The following DNAH14 variants were observed in gnomAD, a reference collection of about 807,000 sequenced individuals.
DNAH14 encodes the protein dynein axonemal heavy chain 14.
DNAH14 carries 478 observed loss-of-function variants against 520.9 expected under a neutral mutation model. The ratio of observed to expected loss-of-function variants is 0.92; its 90% CI spans 0.85 to 0.99. The LOEUF (loss-of-function observed/expected upper bound fraction) is 0.99, where lower values mean the gene tolerates loss of function less well. DNAH14 is among the 50% of genes least tolerant of loss of function. The pLI is 0.00. For missense variants in DNAH14, 4,831 were observed against 5,234.5 expected, an observed-to-expected ratio of 0.92 and a Z score of 2.38; for synonymous variants, 1,581 against 1,757.2, an observed-to-expected ratio of 0.90 and a Z score of 2.51.
At chr1:225,313,795 G>A (rs918724754) in intron 60 of DNAH14, among the ~76,000 whole-genome samples, 1 of 152,150 alleles carries the variant, frequency 6.6e-6, no homozygotes, top group African/African-American at 2.4e-5. Context: ...ATGGCACTGT[G>A]GTCTGAGAGA....
intron 3 of DNAH14, among the ~76,000 whole-genome samples, chr1:224,958,778 T>G (rs929664178): frequency 4.6e-5 from 7 of 152,076 alleles, no homozygotes; most frequent in Non-Finnish European, 5.9e-5. Flanking sequence ...TCATGAACAC[T>G]GAAGTCATCC....
At chr1:225,392,473 TA>T in intron 84 of DNAH14, 22 bp downstream of exon 84, 1 of 1,550,490 alleles carries the variant, frequency 6.4e-7, no homozygotes, top group Admixed American at 2.0e-5. Context: ...CTTCAAGGAT[TA>T]GAAACGGTGA....
chr1:225,362,293 G>A (rs549650827), intron 75 of DNAH14, among the ~76,000 whole-genome samples: 2 of 152,064 alleles, frequency 1.3e-5, no homozygotes, highest in East Asian at 3.9e-4. Flanking sequence ...CGTACTTCCG[G>A]GCCGGGCGCG....
intron 17 of DNAH14, among the ~76,000 whole-genome samples, chr1:225,066,965 A>G (rs538075081): frequency 6.6e-5 from 10 of 152,170 alleles, no homozygotes; most frequent in African/African-American, 2.4e-4. Flanking sequence ...ACGTGTGTAC[A>G]TGTGTCTTTT....
intron 64 of DNAH14, among the ~76,000 whole-genome samples, chr1:225,327,127 T>C (rs2094689282): frequency 6.6e-6 from 1 of 151,668 alleles, no homozygotes; most frequent in Admixed American, 6.6e-5. Context: ...GCATCTTGTC[T>C]GGCAATAATA....
Position 225,121,291 on chromosome 1 carries a change from G to A in DNAH14, c.4166+1997G>A, listed in dbSNP as rs76242718. ...TTTCAAGTTTACTTTTAGCTATTGC[G>A]AAACATACATTATTATTAACTATAG... On this transcript the variant is annotated intron_variant, in intron 26 of 85. Coordinates refer to ENST00000682510, the MANE Select transcript of DNAH14 (RefSeq NM_001367479.1). Among the ~76,000 whole-genome samples, 1,298 of 152,064 alleles carry A rather than the reference G, an allele frequency of 8.5e-3. 24 individuals are homozygous for A. Among genetic ancestry groups the A allele is most frequent in the African/African-American group, 0.03 (1,224 of 41,484 alleles).
At chr1:225,376,193 G>A (rs978900174) in intron 78 of DNAH14, among the ~76,000 whole-genome samples, 13 of 152,038 alleles carry the variant, frequency 8.6e-5, no homozygotes, top group African/African-American at 2.9e-4. Context: ...TTGGGAGGCC[G>A]AGGAGAGTAG....
intron 64 of DNAH14, among the ~76,000 whole-genome samples, chr1:225,328,362 A>G (rs1196879592): frequency 1.3e-5 from 2 of 152,206 alleles, no homozygotes; most frequent in East Asian, 1.9e-4. Flanking sequence ...CAAGCTGTAC[A>G]TTCCAGCCAG....
At chr1:225,002,958 A>G (rs1173049867) in intron 9 of DNAH14, 31 bp downstream of exon 9, 2 of 1,470,572 alleles carry the variant, frequency 1.4e-6, no homozygotes, top group East Asian at 5.0e-5. Flanking sequence ...ATAAGCTAAT[A>G]TTGGTATATA....
intron 60 of DNAH14, among the ~76,000 whole-genome samples, 197 bp from the exon 61 acceptor site, chr1:225,318,386 A>G (rs762012880): frequency 1.3e-5 from 2 of 152,228 alleles, no homozygotes; most frequent in Non-Finnish European, 2.9e-5. Flanking sequence ...CAAGGATTGA[A>G]TCATACACAT....
intron 10 of DNAH14, among the ~76,000 whole-genome samples, chr1:225,013,402 A>G (rs948465757): frequency 4.6e-5 from 7 of 151,856 alleles, no homozygotes; most frequent in Non-Finnish European, 8.8e-5. Context: ...GTGTCTGTCG[A>G]CCTCTACTGG....
chr1:225,084,516 T>C (rs73133554), intron 20 of DNAH14, among the ~76,000 whole-genome samples: 5,424 of 152,178 alleles, frequency 0.036, 307 homozygotes, highest in African/African-American at 0.12. Flanking sequence ...ACAACTATTT[T>C]GTCCAAGATG....
chr1:225,353,858 GAA>G lies in DNAH14; in HGVS notation c.11591_11592del (p.Lys3864ThrfsTer14). On this transcript the variant is annotated frameshift_variant, in exon 73 of 86. Coordinates refer to ENST00000682510, the MANE Select transcript of DNAH14 (RefSeq NM_001367479.1). LOFTEE classifies it high-confidence loss of function. Reference sequence around the variant, plus strand: ...GTAATCCTATAAATTTTCCCTGGGAGAAACTCACTTCATTTCAAAGACTTATT... The same window carrying G: ...GTAATCCTATAAATTTTCCCTGGGAGACTCACTTCATTTCAAAGACTTATT... ...TCNPINFPWE[K>X]LTSFQRLILV... 1 of 1,514,330 alleles carries G rather than the reference GAA, an allele frequency of 6.6e-7. No individual in the cohort carries two copies. Among genetic ancestry groups the G allele is most frequent in the Non-Finnish European group, 8.9e-7 (1 of 1,118,574 alleles). The allele number at this position is 1,514,330 out of a possible 1,614,324, so 93.8% of individuals were successfully genotyped here. A position where few individuals can be genotyped will look rare whatever the true frequency, so the allele number is the denominator to read the frequency against.
intron 37 of DNAH14, among the ~76,000 whole-genome samples, chr1:225,186,883 C>T (rs77316825): frequency 0.017 from 2,560 of 151,858 alleles, 61 homozygotes; most frequent in East Asian, 0.053. Flanking sequence ...TTGTAATAAA[C>T]ATACTTAGGA....
At chr1:225,372,198 T>C (rs1429285603) in intron 77 of DNAH14, among the ~76,000 whole-genome samples, 1 of 152,144 alleles carries the variant, frequency 6.6e-6, no homozygotes, top group Non-Finnish European at 1.5e-5. Flanking sequence ...TATAATGCAG[T>C]TCCAATTAAA....
At chr1:224,931,269 G>C (rs1005629353) in intron 1 of DNAH14, among the ~76,000 whole-genome samples, 1 of 152,140 alleles carries the variant, frequency 6.6e-6, no homozygotes, top group Non-Finnish European at 1.5e-5. Flanking sequence ...TTTAAGCTCA[G>C]TGTTATTACA....
chr1:225,164,513 G>T (rs2081854431), intron 35 of DNAH14, among the ~76,000 whole-genome samples: 1 of 152,008 alleles, frequency 6.6e-6, no homozygotes, highest in Admixed American at 6.6e-5. Context: ...AATGTATCCT[G>T]TTGTCTTAAG....
At position 225,159,371 on chromosome 1, in the gene DNAH14, A is replaced by G. The variant is rs190863487; in HGVS notation, c.5331A>G (p.Ile1777Met). Residue 1777 changes from isoleucine to methionine, a missense_variant, in exon 35 of 86, where the codon ATA becomes ATG. Transcript: ENST00000682510. ...ADETLIVIEA[I>M]REASLPKCPP... ...AAACCTTGATTGTTATCGAGGCTAT[A>G]AGAGAAGCTAGTTTGCCAAAATGTC... 1.9e-6 allele frequency: 3 copies of G among 1,551,742 alleles called. No individual in the cohort carries two copies. In the Admixed American group the frequency reaches 5.9e-5, roughly 30 times the overall value.
intron 21 of DNAH14, among the ~76,000 whole-genome samples, chr1:225,092,847 A>G (rs1487286096): frequency 6.6e-6 from 1 of 152,132 alleles, no homozygotes; most frequent in Non-Finnish European, 1.5e-5. Flanking sequence ...GGACATTGCC[A>G]CTGATCTGAC....
Sources: gnomAD v4.1 joint callset for allele counts (sites outside exome capture counted in the v4.1 genomes callset) on GRCh38, gnomAD v4.1.1 for gene constraint, MANE v1.5 for transcripts, NCBI Gene and HGNC (gene_info 2026-07-23, HGNC 2026-07-21) for gene names.